ADAMTSL1: variants seen among roughly 807,000 people sequenced by gnomAD.
ADAMTSL1 encodes ADAMTS-like protein 1.
ADAMTSL1 carries 126 observed loss-of-function variants against 201.8 expected under a neutral mutation model. The observed-to-expected ratio is 0.62, with a 90% CI of 0.54 to 0.72. The LOEUF (loss-of-function observed/expected upper bound fraction) is 0.72, where lower values mean the gene tolerates loss of function less well. Among genes scored for constraint, ADAMTSL1 ranks in the 30% least tolerant of loss-of-function variants. The probability of loss-of-function intolerance (pLI) is 0.00; values close to 1 mark genes in which losing one functional copy is unlikely to be tolerated. For synonymous variants in ADAMTSL1, 1,121 were observed against 903.4 expected (o/e 1.24, Z -4.32); for missense variants, 2,679 against 2,277.8 (o/e 1.18, Z -3.59).
chr9:18,836,784 G>A (rs979618506), intron 23 of ADAMTSL1, among the ~76,000 whole-genome samples: 1 of 152,100 alleles, frequency 6.6e-6, no homozygotes, highest in African/African-American at 2.4e-5. Context: ...TCAGCATTGT[G>A]TTTCATAGTT....
intron 1 of ADAMTSL1, among the ~76,000 whole-genome samples, chr9:17,949,575 T>A (rs1022712544): frequency 6.6e-6 from 1 of 152,178 alleles, no homozygotes; most frequent in African/African-American, 2.4e-5. Context: ...TTGTTCAGAA[T>A]CCTGCATCCT....
intron 17 of ADAMTSL1, among the ~76,000 whole-genome samples, chr9:18,772,921 T>TGG (rs1190217513): frequency 2.6e-5 from 4 of 152,138 alleles, no homozygotes; most frequent in African/African-American, 9.7e-5. Context: ...GGTTAATGAA[T>TGG]GGAGATTCCA....
intron 1 of ADAMTSL1, among the ~76,000 whole-genome samples, chr9:18,155,357 T>C (rs1263113008): frequency 6.6e-6 from 1 of 151,996 alleles, no homozygotes; most frequent in Non-Finnish European, 1.5e-5. Context: ...GCTAGAATGG[T>C]AGTGAACTTG....
intron 13 of ADAMTSL1, among the ~76,000 whole-genome samples, chr9:18,700,362 G>A (rs532927931): frequency 1.3e-5 from 2 of 151,852 alleles, no homozygotes; most frequent in Non-Finnish European, 2.9e-5. Context: ...GTTTTTACAC[G>A]AGATCTTCTC....
At chr9:18,318,573 T>C (rs1834498039) in intron 2 of ADAMTSL1, among the ~76,000 whole-genome samples, 1 of 152,202 alleles carries the variant, frequency 6.6e-6, no homozygotes, top group South Asian at 2.1e-4. Flanking sequence ...TTCCTAATTC[T>C]TTCTGAACCA....
chr9:18,129,535 T>G (rs138428336), intron 1 of ADAMTSL1, among the ~76,000 whole-genome samples: 271 of 152,258 alleles, frequency 1.8e-3, no homozygotes, highest in African/African-American at 6.1e-3. Context: ...TTTCTGTGGG[T>G]TTTTATCTGT....
rs535815331 is a variant in ADAMTSL1 at position 18,627,405 on chromosome 9, G to A, written c.601+5036G>A. 3.2e-4 allele frequency among the ~76,000 whole-genome samples: 48 copies of A among 152,224 alleles called. No individual in the cohort carries two copies. In the South Asian group the frequency reaches 8.5e-3, roughly 27 times the overall value. Reference sequence around the variant, plus strand: ...CATGTTGTATTATCTTGCAATTGCTGCTGTAACTAATTACCACAGACTAAG... The same window carrying A: ...CATGTTGTATTATCTTGCAATTGCTACTGTAACTAATTACCACAGACTAAG... On this transcript the variant is annotated intron_variant, in intron 5 of 28. Transcript: ENST00000380548.
At chr9:18,856,943 A>G (rs1179571580) in intron 23 of ADAMTSL1, among the ~76,000 whole-genome samples, 1 of 152,196 alleles carries the variant, frequency 6.6e-6, no homozygotes, top group Admixed American at 6.5e-5. Context: ...AAAGAACTGT[A>G]GAACAACCCC....
chr9:18,510,345 A>T (rs1349418840), intron 2 of ADAMTSL1, among the ~76,000 whole-genome samples: 3 of 152,202 alleles, frequency 2.0e-5, no homozygotes, highest in Non-Finnish European at 4.4e-5. Context: ...TCTCTGAGTG[A>T]TCTTTTGAAG....
chr9:17,990,179 G>A (rs536991545), intron 1 of ADAMTSL1, among the ~76,000 whole-genome samples: 2 of 151,968 alleles, frequency 1.3e-5, no homozygotes, highest in African/African-American at 2.4e-5. Context: ...CATCTTGTAG[G>A]TTTCTCACAT....
At chr9:18,077,096 A>C (rs576192560) in intron 1 of ADAMTSL1, among the ~76,000 whole-genome samples, 2 of 152,164 alleles carry the variant, frequency 1.3e-5, no homozygotes, top group South Asian at 4.2e-4. Context: ...GAGGAGGAGG[A>C]GGGTGGAGAT....
chr9:17,949,688 A>G (rs1053726808), intron 1 of ADAMTSL1, among the ~76,000 whole-genome samples: 3 of 151,982 alleles, frequency 2.0e-5, no homozygotes, highest in Admixed American at 6.6e-5. Flanking sequence ...GCCCTTTCTT[A>G]TCTTTCTTCT....
At chr9:18,632,019 G>T (rs565510924) in intron 5 of ADAMTSL1, among the ~76,000 whole-genome samples, 1 of 152,284 alleles carries the variant, frequency 6.6e-6, no homozygotes, top group East Asian at 1.9e-4. Context: ...AAAACAGTGT[G>T]CCTTTGTAGG....
At chr9:18,653,233 C>T (rs1828407178) in intron 7 of ADAMTSL1, among the ~76,000 whole-genome samples, 1 of 152,168 alleles carries the variant, frequency 6.6e-6, no homozygotes, top group African/African-American at 2.4e-5. Context: ...CTGCCCAATC[C>T]TGCCTCGCTC....
intron 26 of ADAMTSL1, among the ~76,000 whole-genome samples, chr9:18,894,458 G>A (rs1829489595): frequency 6.6e-6 from 1 of 151,464 alleles, no homozygotes; most frequent in Admixed American, 6.6e-5. Flanking sequence ...ATGGTGATGA[G>A]AATGAAGGTA....
chr9:18,092,643 T>C (rs2131819298), intron 1 of ADAMTSL1, among the ~76,000 whole-genome samples: 1 of 152,268 alleles, frequency 6.6e-6, no homozygotes, highest in African/African-American at 2.4e-5. Flanking sequence ...AAGCTCCTAG[T>C]AGAGAATTTT....
Position 18,751,880 on chromosome 9 carries a change from G to A in ADAMTSL1, c.2007-1418G>A, listed in dbSNP as rs1187102393. On this transcript the variant is annotated intron_variant, in intron 15 of 28. Coordinates refer to ENST00000380548, the MANE Select transcript of ADAMTSL1 (RefSeq NM_001040272.6). ...CCGAGGCGGGCGGATCACGAGGTCG[G>A]GAGATCGAGGCCATCCCGGCTAAAA... Among the ~76,000 whole-genome samples, 2 of 35,890 alleles carry A rather than the reference G, an allele frequency of 5.6e-5. 1 individual carries two copies. Among genetic ancestry groups the A allele is most frequent in the Non-Finnish European group, 1.3e-4 (2 of 15,804 alleles). 23.5% of individuals were successfully genotyped at this position (35,890 alleles called of 152,430 possible).
At chr9:18,581,271 C>T (rs1300300196) in intron 4 of ADAMTSL1, among the ~76,000 whole-genome samples, 1 of 152,148 alleles carries the variant, frequency 6.6e-6, no homozygotes, top group Non-Finnish European at 1.5e-5. Flanking sequence ...GGACAGCAAT[C>T]ATATTAAATT....
At position 18,653,725 on chromosome 9, in the gene ADAMTSL1, G is replaced by A. The variant is rs76191545; in HGVS notation, c.835-3914G>A. ...GAAAAACTAGAAAACTCTATAAGAAGTATAGAGGTAAAGTTGGGTACTAAC... is the reference window on the plus strand; with the variant it reads ...GAAAAACTAGAAAACTCTATAAGAAATATAGAGGTAAAGTTGGGTACTAAC... On this transcript the variant is annotated intron_variant, in intron 7 of 28. Transcript: ENST00000380548. 5.1e-3 allele frequency among the ~76,000 whole-genome samples: 778 copies of A among 152,182 alleles called. 9 individuals are homozygous for A. The highest frequency in any genetic ancestry group is 0.018 in the African/African-American group (737 of 41,514).
Sources: allele counts gnomAD v4.1 joint callset (sites outside exome capture counted in the v4.1 genomes callset), GRCh38; gene constraint gnomAD v4.1.1; transcripts MANE v1.5; gene names NCBI Gene and HGNC (gene_info 2026-07-23, HGNC 2026-07-21).